The following ENTPD8 variants were observed in gnomAD, a reference collection of about 807,000 sequenced individuals.
ENTPD8 encodes E-NTPDase 8.
In ENTPD8, 35 loss-of-function variants were observed where a neutral mutation model predicts 47.0. The observed-to-expected ratio is 0.75, with a 90% CI of 0.57 to 0.99. The LOEUF (loss-of-function observed/expected upper bound fraction) is 0.99, where lower values mean the gene tolerates loss of function less well. ENTPD8 is among the 50% of genes least tolerant of loss of function. ENTPD8 has a pLI of 0.00. For missense variants in ENTPD8, 668 were observed against 649.9 expected, an observed-to-expected ratio of 1.03 and a Z score of -0.30; for synonymous variants, 308 against 290.5, an observed-to-expected ratio of 1.06 and a Z score of -0.61.
chr9:137,436,529 GC>G lies in ENTPD8; in HGVS notation c.777del (p.Leu260TrpfsTer40), dbSNP rs774455783. 6.2e-7 allele frequency: 1 copy of G among 1,607,384 alleles called. No homozygotes were observed. The highest frequency in any genetic ancestry group is 8.5e-7 in the Non-Finnish European group (1 of 1,177,824). ...CCCCAGGGCCAGCTGACCTGTACCA[GC>G]CCCACGAGGAGCCTGCTCAGCATCT... is the stretch of plus-strand genomic sequence containing the variant. The part of the protein sequence containing the change: ...RDQMLSRLLV[G>X]LVQSRPAALL... On this transcript the variant is annotated frameshift_variant, in exon 6 of 10. Coordinates refer to ENST00000371506, the MANE Select transcript of ENTPD8 (RefSeq NM_001033113.2). LOFTEE classifies it high-confidence loss of function.
Position 137,438,105 on chromosome 9 carries a change from G to A in ENTPD8, c.127-21C>T, listed in dbSNP as rs1415362235. 2 of 1,612,160 alleles carry A rather than the reference G, an allele frequency of 1.2e-6. No homozygotes were observed. Among genetic ancestry groups the A allele is most frequent in the Non-Finnish European group, 1.7e-6 (2 of 1,179,466 alleles). On this transcript the variant is annotated intron_variant, in intron 2 of 9. Transcript: ENST00000371506. The surrounding 1 kb of genome is among the most constrained non-coding windows in gnomAD (Gnocchi z 5.7). ...CCAAACTGGGGAGACAGTGGGATGAGTGGGAGGCAACACCTGTGGACCCGG... is the reference window on the plus strand; with the variant it reads ...CCAAACTGGGGAGACAGTGGGATGAATGGGAGGCAACACCTGTGGACCCGG...
chr9:137,436,871 T>C lies in ENTPD8; in HGVS notation c.553A>G (p.Lys185Glu), dbSNP rs755690701. The change falls in exon 5 of 10, where the codon AAG becomes GAG. Residue 185 changes from lysine to glutamate, a missense_variant and splice_region_variant. Transcript: ENST00000371506. ...TVNYGLGTLV[K>E]YSFTGEWIQP... Reference sequence around the variant, plus strand: ...CGCCCTCAGGCAGCCTGTGGCACCTTGACCAGCGTCCCCAAGCCGTAGTTG... The same window carrying C: ...CGCCCTCAGGCAGCCTGTGGCACCTCGACCAGCGTCCCCAAGCCGTAGTTG... 6.2e-6 allele frequency: 10 copies of C among 1,612,406 alleles called. No homozygotes were observed. Among genetic ancestry groups the C allele is most frequent in the Admixed American group, 3.3e-5 (2 of 59,994 alleles).
At chr9:137,436,362 C>A in intron 6 of ENTPD8, 86 bp from the exon 7 acceptor site, 5 of 1,429,868 alleles carry the variant, frequency 3.5e-6, no homozygotes, top group South Asian at 1.4e-5. Context: ...ACGCCAGCCC[C>A]GCGCCCATAC....
chr9:137,438,397 G>A lies in ENTPD8; in HGVS notation c.-20-92C>T, dbSNP rs1588479516. 1.0e-5 allele frequency: 14 copies of A among 1,363,646 alleles called. No individual in the cohort carries two copies. The East Asian group carries it at 3.3e-4, about 32-fold the overall frequency. The allele number at this position is 1,363,646 out of a possible 1,614,324, so 84.5% of individuals were successfully genotyped here. On this transcript the variant is annotated intron_variant, in intron 1 of 9. Transcript: ENST00000371506. This position sits in a 1 kb window ranked among gnomAD's most constrained non-coding sequence, Gnocchi z 5.7. ...AGGCTTCGCTCCCCGTCTCCCTGGA[G>A]ACGCACCCCTGGACAGCCACTTGCC...
At chr9:137,437,857 G>C in intron 3 of ENTPD8, 110 bp downstream of exon 3, 1 of 998,578 alleles carries the variant, frequency 1.0e-6, no homozygotes, top group Non-Finnish European at 1.5e-6. Flanking sequence ...CCCGGCGTGT[G>C]AGCTCAGCCA....
At position 137,434,575 on chromosome 9, in the gene ENTPD8, A is replaced by C; in HGVS notation, c.*339T>G. 1 of 600,354 alleles carries C rather than the reference A, an allele frequency of 1.7e-6. No homozygotes were observed. The highest frequency in any genetic ancestry group is 2.8e-6 in the Non-Finnish European group (1 of 353,554). The allele number at this position is 600,354 out of a possible 1,614,324, so 37.2% of individuals were successfully genotyped here. A position where few individuals can be genotyped will look rare whatever the true frequency, so the allele number is the denominator to read the frequency against. On this transcript the variant is annotated 3_prime_UTR_variant, in exon 10 of 10. Coordinates refer to ENST00000371506, the MANE Select transcript of ENTPD8 (RefSeq NM_001033113.2). ...CTCCTGAGGCCCCATCAGGAGCAGG[A>C]CCCCTGTGCCTCCGTGGTCTTGCCC...
At position 137,436,675 on chromosome 9, in the gene ENTPD8, G is replaced by A. The variant is rs1264557181; in HGVS notation, c.632C>T (p.Thr211Ile). Residue 211 changes from threonine (T) to isoleucine (I), a missense_variant, in exon 6 of 10, where the codon ACC becomes ATC. Transcript: ENST00000371506. ...GCCCCCAGGCACGAACGTGATCTGG[G>A]TGGAGGCCCCTCCCATGTCCAGGGC... ...VGALDMGGAS[T>I]QITFVPGGPI... 1 of 1,599,012 alleles carries A rather than the reference G, an allele frequency of 6.3e-7. No individual in the cohort carries two copies. The highest frequency in any genetic ancestry group is 1.7e-4 in the Middle Eastern group (1 of 6,046).
chr9:137,437,814 C>T (rs557315236), intron 3 of ENTPD8, among the ~76,000 whole-genome samples, 153 bp downstream of exon 3: 74 of 152,316 alleles, frequency 4.9e-4, no homozygotes, highest in African/African-American at 1.6e-3. Flanking sequence ...AGAGTGCCAC[C>T]GCGTGAACGC....
Position 137,435,197 on chromosome 9 carries a change from C to T in ENTPD8, c.1296+7G>A. On this transcript the variant is annotated splice_region_variant and intron_variant, in intron 9 of 9. Transcript: ENST00000371506. ...ACGCCCCGCCCACGCCCAGGGGAGG[C>T]AGTCACCTGCTTTCGGAACTCGAGG... 1 of 1,609,454 alleles carries T rather than the reference C, an allele frequency of 6.2e-7. No individual in the cohort carries two copies.
At chr9:137,436,845 C>A (rs759621709) in intron 5 of ENTPD8, 24 bp downstream of exon 5, 7 of 1,609,836 alleles carry the variant, frequency 4.3e-6, no homozygotes, top group Non-Finnish European at 5.9e-6. Context: ...AGACCAGCCC[C>A]CGCCCTCAGG....
rs1478142867 is a variant in ENTPD8, at chr9:137,438,533, G to A, written c.-20-228C>T. On this transcript the variant is annotated intron_variant, in intron 1 of 9. Coordinates refer to ENST00000371506, the MANE Select transcript of ENTPD8 (RefSeq NM_001033113.2). This position sits in a 1 kb window ranked among gnomAD's most constrained non-coding sequence, Gnocchi z 5.7. ...ATCTCCGGGGCTCAGGCGGCCTCCC[G>A]TGGCCATAGAGGCATCTCCGGGGCT... Among the ~76,000 whole-genome samples the A allele has an allele frequency of 6.0e-5, 9 of 150,782 alleles. No homozygotes were observed. Among genetic ancestry groups the A allele is most frequent in the South Asian group, 2.1e-4 (1 of 4,746 alleles).
At chr9:137,436,811 C>G (rs1839376229) in intron 5 of ENTPD8, 58 bp downstream of exon 5, 1 of 1,603,030 alleles carries the variant, frequency 6.2e-7, no homozygotes, top group Non-Finnish European at 8.5e-7. Flanking sequence ...CCCGGTCAGC[C>G]AGCCCCAGAC....
At chr9:137,439,407 G>A (rs9722391) in intron 1 of ENTPD8, among the ~76,000 whole-genome samples, 42,715 of 152,000 alleles carry the variant, frequency 0.28, 6,703 homozygotes, top group Admixed American at 0.39. Context: ...CCAAGGTCCC[G>A]GCACCTGAAC....
chr9:137,438,425 A>T lies in ENTPD8; in HGVS notation c.-20-120T>A. The T allele has an allele frequency of 8.6e-7, 1 of 1,158,548 alleles. No homozygotes were observed. Among genetic ancestry groups the T allele is most frequent in the Non-Finnish European group, 1.2e-6 (1 of 854,986 alleles). 71.8% of individuals were successfully genotyped at this position (1,158,548 alleles called of 1,614,324 possible). A position where few individuals can be genotyped will look rare whatever the true frequency, so the allele number is the denominator to read the frequency against. On this transcript the variant is annotated intron_variant, in intron 1 of 9. Coordinates refer to ENST00000371506, the MANE Select transcript of ENTPD8 (RefSeq NM_001033113.2). This position sits in a 1 kb window ranked among gnomAD's most constrained non-coding sequence, Gnocchi z 5.7. ...GCACCCCTGGACAGCCACTTGCCTT[A>T]GAGGCATCTCCGGGGCTCAGACGCC...
intron 1 of ENTPD8, among the ~76,000 whole-genome samples, chr9:137,439,629 C>T (rs1839464965): frequency 6.6e-6 from 1 of 152,020 alleles, no homozygotes; most frequent in Admixed American, 6.5e-5. Context: ...GACAGGAGGC[C>T]GGTCCAGCCC....
rs758492378 is a variant in ENTPD8, at chr9:137,434,865, G to A, written c.*49C>T. On this transcript the variant is annotated 3_prime_UTR_variant, in exon 10 of 10. Transcript: ENST00000371506. ...AGGGCTCAGGAAGCCTCCAGCATCC[G>A]GGACGCAGCTGCCTGTGGGCTCTGT... 1.4e-5 allele frequency: 22 copies of A among 1,527,632 alleles called. No individual in the cohort carries two copies. Among genetic ancestry groups the A allele is most frequent in the Admixed American group, 2.0e-5 (1 of 49,626 alleles). 94.6% of individuals were successfully genotyped at this position (1,527,632 alleles called of 1,614,324 possible).
chr9:137,438,099 G>A lies in ENTPD8; in HGVS notation c.127-15C>T. 1.9e-6 allele frequency: 3 copies of A among 1,612,382 alleles called. No homozygotes were observed. Among genetic ancestry groups the A allele is most frequent in the Non-Finnish European group, 2.5e-6 (3 of 1,179,572 alleles). ...ACGATCCCAAACTGGGGAGACAGTG[G>A]GATGAGTGGGAGGCAACACCTGTGG... On this transcript the variant is annotated splice_polypyrimidine_tract_variant and intron_variant, in intron 2 of 9. Coordinates refer to ENST00000371506, the MANE Select transcript of ENTPD8 (RefSeq NM_001033113.2). The surrounding 1 kb of genome is among the most constrained non-coding windows in gnomAD (Gnocchi z 5.7).
chr9:137,436,014 T>A lies in ENTPD8; in HGVS notation c.1049A>T (p.Tyr350Phe). 1.9e-6 allele frequency: 3 copies of A among 1,612,626 alleles called. No homozygotes were observed. Reference sequence around the variant, plus strand: ...GGTGGGGGCAGTGTAGGTGCTCACATAGAACTGGCCCCGCAGCGGGGGCTG... The same window carrying A: ...GGTGGGGGCAGTGTAGGTGCTCACAAAGAACTGGCCCCGCAGCGGGGGCTG... ...VYQPPLRGQF[Y>F]AFSNFYYTFH... The change falls in exon 7 of 10, where the codon TAT becomes TTT. Residue 350 changes from tyrosine (Y) to phenylalanine (F), a missense_variant and splice_region_variant. Physicochemically the swap from Tyr to Phe is conservative, Grantham distance 22. Coordinates refer to ENST00000371506, the MANE Select transcript of ENTPD8 (RefSeq NM_001033113.2).
chr9:137,434,896 C>A lies in ENTPD8; in HGVS notation c.*18G>T. 6.3e-7 allele frequency: 1 copy of A among 1,591,672 alleles called. No homozygotes were observed. The highest frequency in any genetic ancestry group is 8.6e-7 in the Non-Finnish European group (1 of 1,168,984). ...CAGCTGCCTGTGGGCTCTGTGGGGG[C>A]CCACCTCCGCCTTCCCACTAGTCCT... On this transcript the variant is annotated 3_prime_UTR_variant, in exon 10 of 10. Transcript: ENST00000371506.
Sources: allele counts gnomAD v4.1 joint callset (sites outside exome capture counted in the v4.1 genomes callset), GRCh38; gene constraint gnomAD v4.1.1; non-coding constraint Gnocchi (gnomAD v3.1); transcripts MANE v1.5; gene names NCBI Gene and HGNC (gene_info 2026-07-23, HGNC 2026-07-21).